CCSER1: variants seen among roughly 807,000 people sequenced by gnomAD.
CCSER1 encodes coiled-coil serine rich protein 1, also known as serine-rich coiled-coil domain-containing protein 1.
In CCSER1, 41 loss-of-function variants were observed where a neutral mutation model predicts 82.0. That is an observed-to-expected ratio of 0.50 (90% CI 0.39 to 0.65). CCSER1 has a LOEUF of 0.65. Ranked by LOEUF, CCSER1 falls within the 30% of genes least tolerant of loss-of-function variation. The pLI is 0.00. For missense variants in CCSER1, 1,119 were observed against 1,064.2 expected, an observed-to-expected ratio of 1.05 and a Z score of -0.72; for synonymous variants, 414 against 383.9, an observed-to-expected ratio of 1.08 and a Z score of -0.92.
At chr4:90,214,403 G>T (rs1269663780) in intron 1 of CCSER1, among the ~76,000 whole-genome samples, 2 of 152,102 alleles carry the variant, frequency 1.3e-5, no homozygotes, top group African/African-American at 4.8e-5. Flanking sequence ...GGCGAGTTAG[G>T]GATGCACTAA....
intron 3 of CCSER1, among the ~76,000 whole-genome samples, chr4:90,371,021 C>G (rs899580603): frequency 6.6e-6 from 1 of 151,944 alleles, no homozygotes; most frequent in African/African-American, 2.4e-5. Flanking sequence ...GGGTACAAAA[C>G]TTGATGAATT....
At chr4:90,928,999 C>T (rs1346754036) in intron 9 of CCSER1, among the ~76,000 whole-genome samples, 1 of 152,066 alleles carries the variant, frequency 6.6e-6, no homozygotes, top group Non-Finnish European at 1.5e-5. Context: ...AAGAAATCTG[C>T]GTAAAATCAA....
At chr4:91,356,581 C>T (rs1412463067) in intron 10 of CCSER1, among the ~76,000 whole-genome samples, 4 of 152,074 alleles carry the variant, frequency 2.6e-5, no homozygotes, top group Non-Finnish European at 5.9e-5. Context: ...AAATGGATAG[C>T]CAAATGGACT....
rs371170030 is a variant in CCSER1, at chr4:91,339,879, G to A, written c.2217+253885G>A. Among the ~76,000 whole-genome samples the A allele has an allele frequency of 5.3e-3, 812 of 152,156 alleles. 6 individuals carry two copies. Among genetic ancestry groups the A allele is most frequent in the African/African-American group, 0.019 (784 of 41,514 alleles). On this transcript the variant is annotated intron_variant, in intron 10 of 10. Coordinates refer to ENST00000509176, the MANE Select transcript of CCSER1 (RefSeq NM_001145065.2). ...TATGCCTGTAATCCCAGCACTTTGGGAGGCTGAAGCAGGCAGATCACGAGG... is the reference window on the plus strand; with the variant it reads ...TATGCCTGTAATCCCAGCACTTTGGAAGGCTGAAGCAGGCAGATCACGAGG...
intron 10 of CCSER1, among the ~76,000 whole-genome samples, chr4:91,477,973 T>C (rs1757684863): frequency 6.6e-6 from 1 of 151,840 alleles, no homozygotes; most frequent in Non-Finnish European, 1.5e-5. Context: ...TAGAATGAAG[T>C]ATTACGACTA....
At chr4:90,406,789 A>G (rs1399543883) in intron 4 of CCSER1, among the ~76,000 whole-genome samples, 1 of 152,180 alleles carries the variant, frequency 6.6e-6, no homozygotes, top group African/African-American at 2.4e-5. Context: ...GATGGAACTT[A>G]AAAAATTATT....
At chr4:90,391,444 G>GCA (rs1465114730) in intron 3 of CCSER1, among the ~76,000 whole-genome samples, 1 of 37,474 alleles carries the variant, frequency 2.7e-5, no homozygotes, top group Non-Finnish European at 4.8e-5. Context: ...ATATATGGGG[G>GCA]TATATATATA....
At position 91,134,841 on chromosome 4, in the gene CCSER1, C is replaced by A. The variant is rs563232477; in HGVS notation, c.2217+48847C>A. 4.6e-5 allele frequency among the ~76,000 whole-genome samples: 7 copies of A among 152,248 alleles called. No homozygotes were observed. The East Asian group carries it at 1.4e-3, about 29-fold the overall frequency. On this transcript the variant is annotated intron_variant, in intron 10 of 10. Transcript: ENST00000509176. ...CTTTGGGAGGCCGGGGCAGACAGAC[C>A]ACAAGGTCAAGAGATTGAGACCATC...
intron 10 of CCSER1, among the ~76,000 whole-genome samples, chr4:91,130,960 G>A (rs1727937350): frequency 6.6e-6 from 1 of 151,444 alleles, no homozygotes. Flanking sequence ...ACAGCTATAG[G>A]AGTTCACATA....
chr4:91,447,204 C>CATAA (rs1468950541), intron 10 of CCSER1, among the ~76,000 whole-genome samples: 3 of 152,138 alleles, frequency 2.0e-5, no homozygotes, highest in Non-Finnish European at 4.4e-5. Context: ...TGAGGTTACA[C>CATAA]ATAATATTGC....
At chr4:90,683,073 G>C (rs992620589) in intron 6 of CCSER1, 1 of 152,300 alleles carries the variant, frequency 6.6e-6, no homozygotes, top group Non-Finnish European at 1.5e-5. Context: ...TATTTCTGAA[G>C]AGTCTCCTGG....
intron 10 of CCSER1, among the ~76,000 whole-genome samples, chr4:91,543,398 A>G (rs1761712002): frequency 2.6e-5 from 4 of 152,092 alleles, no homozygotes; most frequent in South Asian, 2.1e-4. Flanking sequence ...TCCTAGCCTC[A>G]ATGGTCTTTA....
At chr4:91,406,425 G>A (rs1342234906) in intron 10 of CCSER1, among the ~76,000 whole-genome samples, 1 of 152,114 alleles carries the variant, frequency 6.6e-6, no homozygotes, top group South Asian at 2.1e-4. Flanking sequence ...AGGATTCAAT[G>A]TGGTTCTTTA....
At chr4:91,001,466 A>G (rs1238344353) in intron 9 of CCSER1, among the ~76,000 whole-genome samples, 3 of 152,146 alleles carry the variant, frequency 2.0e-5, no homozygotes, top group African/African-American at 7.2e-5. Context: ...TTTTTGAAAT[A>G]GTTTCATATA....
chr4:90,736,452 T>C (rs1255427133), intron 7 of CCSER1, among the ~76,000 whole-genome samples: 2 of 152,172 alleles, frequency 1.3e-5, no homozygotes, highest in Admixed American at 1.3e-4. Flanking sequence ...TTTATCATTA[T>C]ATAATGACCT....
In CCSER1 at chr4:90,309,150, A is replaced by C. The variant is rs762029023; in HGVS notation, c.866A>C (p.His289Pro). ...GCATCCCACTGTGACAACTTTGGCC[A>C]CAATGATTCTACCTCTCAGATGTCC... ...SMASHCDNFG[H>P]NDSTSQMSLN... Residue 289 changes from histidine (H) to proline (P), a missense_variant, in exon 2 of 11, where the codon CAC (histidine) becomes CCC (proline). His to Pro is a moderately conservative substitution (Grantham distance 77). Coordinates refer to ENST00000509176, the MANE Select transcript of CCSER1 (RefSeq NM_001145065.2). 1 of 1,613,982 alleles carries C rather than the reference A, an allele frequency of 6.2e-7. No homozygotes were observed. The highest frequency in any genetic ancestry group is 8.5e-7 in the Non-Finnish European group (1 of 1,179,854).
chr4:90,777,009 G>A (rs552558445), intron 7 of CCSER1, among the ~76,000 whole-genome samples: 14 of 152,168 alleles, frequency 9.2e-5, no homozygotes, highest in African/African-American at 2.2e-4. Flanking sequence ...GTTGAAATTC[G>A]TATGAATGAT....
At chr4:91,285,587 A>G (rs1463626537) in intron 10 of CCSER1, among the ~76,000 whole-genome samples, 1 of 151,890 alleles carries the variant, frequency 6.6e-6, no homozygotes, top group African/African-American at 2.4e-5. Flanking sequence ...GAAAAACAAA[A>G]AGATGTATGA....
intron 1 of CCSER1, among the ~76,000 whole-genome samples, chr4:90,167,988 C>A (rs1437450835): frequency 6.6e-6 from 1 of 152,022 alleles, no homozygotes; most frequent in African/African-American, 2.4e-5. Flanking sequence ...GGGTATCTAC[C>A]CAGTAATGGG....
Sources: allele counts gnomAD v4.1 joint callset (sites outside exome capture counted in the v4.1 genomes callset), GRCh38; gene constraint gnomAD v4.1.1; transcripts MANE v1.5; gene names NCBI Gene and HGNC (gene_info 2026-07-23, HGNC 2026-07-21).